Variants in CENPF observed in about 807,000 individuals in gnomAD.
The protein encoded by CENPF is centromere protein F.
Under a neutral mutation model 307.3 loss-of-function variants are expected in CENPF, and 214 were observed. The ratio of observed to expected loss-of-function variants is 0.70; its 90% CI spans 0.62 to 0.78. The LOEUF (loss-of-function observed/expected upper bound fraction) is 0.78, where lower values mean the gene tolerates loss of function less well. Among genes scored for constraint, CENPF ranks in the 30% least tolerant of loss-of-function variants. The pLI is 0.00. For synonymous variants in CENPF, 1,259 were observed against 1,270.6 expected (o/e 0.99, Z 0.19); for missense variants, 3,401 against 3,483.9 (o/e 0.98, Z 0.60).
At chr1:214,621,968 A>T in intron 6 of CENPF, 111 bp from the exon 7 acceptor site, 1 of 839,214 alleles carries the variant, frequency 1.2e-6, no homozygotes, top group Non-Finnish European at 1.8e-6. Flanking sequence ...TATTTAGTGT[A>T]AATATTTGTT....
Position 214,645,430 on chromosome 1 carries a change from T to C in CENPF, c.5860T>C (p.Ser1954Pro). Residue 1954 changes from serine (S) to proline (P), a missense_variant, in exon 13 of 20, where the codon TCA becomes CCA. Physicochemically the swap from Ser to Pro is moderately conservative, Grantham distance 74. Transcript: ENST00000366955. The stretch of plus-strand genomic sequence containing the variant: ...TATTGTCTGCCTTGAAGAAGAACTC[T>C]CAGTGGTCACAAGTGAGAGAAACCA... Reference protein sequence around the residue: ...KVIVCLEEELSVVTSERNQLR... With the variant: ...KVIVCLEEELPVVTSERNQLR... The C allele has an allele frequency of 6.2e-7, 1 of 1,614,032 alleles. No homozygotes were observed. The highest frequency in any genetic ancestry group is 2.2e-5 in the East Asian group (1 of 44,870).
Position 214,640,085 on chromosome 1 carries a change from C to T in CENPF, c.1747C>T (p.Gln583Ter). The T allele has an allele frequency of 6.3e-7, 1 of 1,596,252 alleles. No individual in the cohort carries two copies. The change falls in exon 12 of 20, where the codon CAA becomes TAA. Residue 583 changes from glutamine (Q) to a stop codon, truncating the protein, a stop_gained. Transcript: ENST00000366955. LOFTEE classifies it high-confidence loss of function. ...GAAGAAAAGAGAACATCACATTGAACAACTTAATGATAAGTTAAGCAAGAC... is the reference window on the plus strand; with the variant it reads ...GAAGAAAAGAGAACATCACATTGAATAACTTAATGATAAGTTAAGCAAGAC... ...LLKKREHHIE[Q>*]LNDKLSKTEK...
chr1:214,645,466 G>T lies in CENPF; in HGVS notation c.5896G>T (p.Glu1966Ter). Reference sequence around the variant, plus strand: ...AAGTGAGAGAAACCAGCTTCGTGGAGAATTAGATACTATGTCAAAAAAAAC... The same window carrying T: ...AAGTGAGAGAAACCAGCTTCGTGGATAATTAGATACTATGTCAAAAAAAAC... ...VTSERNQLRG[E>*]LDTMSKKTTA... The change falls in exon 13 of 20, where the codon GAA becomes TAA. Residue 1966 changes from glutamate (E) to a stop codon, truncating the protein, a stop_gained. Coordinates refer to ENST00000366955, the MANE Select transcript of CENPF (RefSeq NM_016343.4). LOFTEE classifies it high-confidence loss of function. 1 of 1,613,808 alleles carries T rather than the reference G, an allele frequency of 6.2e-7. No homozygotes were observed. Among genetic ancestry groups the T allele is most frequent in the Non-Finnish European group, 8.5e-7 (1 of 1,179,960 alleles).
intron 1 of CENPF, chr1:214,608,675 G>A: frequency 6.3e-7 from 1 of 1,597,882 alleles, no homozygotes. Context: ...GAGGCCCGCA[G>A]GGTCCCCAAG....
At chr1:214,650,033 A>G (rs1448152453) in intron 14 of CENPF, among the ~76,000 whole-genome samples, 2 of 152,220 alleles carry the variant, frequency 1.3e-5, no homozygotes, top group African/African-American at 4.8e-5. Context: ...AAGCGGATAA[A>G]TACTATAAAG....
chr1:214,616,835 C>CTTTCTT lies in CENPF; in HGVS notation c.360-1737_360-1736insTTCTTT, dbSNP rs1491243796. ...CCTTCCTTCCTTCTTTCCTTCCTTC[C>CTTTCTT]TCTTTCTTTCTTTCTTTCTTTCTTT... On this transcript the variant is annotated intron_variant, in intron 3 of 19. Coordinates refer to ENST00000366955, the MANE Select transcript of CENPF (RefSeq NM_016343.4). Among the ~76,000 whole-genome samples the CTTTCTT allele has an allele frequency of 7.3e-5, 5 of 68,510 alleles. 1 individual carries two copies. Among genetic ancestry groups the CTTTCTT allele is most frequent in the African/African-American group, 2.9e-4 (5 of 17,180 alleles). 44.9% of individuals were successfully genotyped at this position (68,510 alleles called of 152,430 possible). A position where few individuals can be genotyped will look rare whatever the true frequency, so the allele number is the denominator to read the frequency against.
intron 16 of CENPF, chr1:214,653,808 C>T (rs1658555175): frequency 6.6e-6 from 1 of 151,958 alleles, no homozygotes; most frequent in Non-Finnish European, 1.5e-5. Flanking sequence ...AATTCAAAAT[C>T]ACAATAATTA....
chr1:214,655,105 G>T (rs1216092713), intron 16 of CENPF, 136 bp from the exon 17 acceptor site: 1 of 541,386 alleles, frequency 1.8e-6, no homozygotes. Flanking sequence ...ATGGTTTTGT[G>T]CATCTTTAGA....
chr1:214,646,285 CTG>C lies in CENPF; in HGVS notation c.6717_6718del (p.Leu2240ArgfsTer15), dbSNP rs1269641219. 6.2e-7 allele frequency: 1 copy of C among 1,613,966 alleles called. No homozygotes were observed. The highest frequency in any genetic ancestry group is 1.7e-5 in the Admixed American group (1 of 60,002). ...LDKLLSSFKSLLEEKEQAEIQ... is the reference protein window; with the variant it reads ...LDKLLSSFKSXLEEKEQAEIQ... Reference sequence around the variant, plus strand: ...CAAGTTACTCTCTTCATTTAAAAGTCTGTTAGAAGAAAAGGAGCAAGCAGAGA... The same window carrying C: ...CAAGTTACTCTCTTCATTTAAAAGTCTTAGAAGAAAAGGAGCAAGCAGAGA... On this transcript the variant is annotated frameshift_variant, in exon 13 of 20. Transcript: ENST00000366955. LOFTEE classifies it high-confidence loss of function.
At chr1:214,656,156 CA>C (rs1658626574) in intron 17 of CENPF, among the ~76,000 whole-genome samples, 1 of 152,054 alleles carries the variant, frequency 6.6e-6, no homozygotes, top group Admixed American at 6.6e-5. Context: ...GTTGTGCAGG[CA>C]AAATAGAAAA....
rs17023293 is a variant in CENPF at position 214,637,607 on chromosome 1, G to A, written c.1447-259G>A. Among the ~76,000 whole-genome samples, 7,476 of 152,130 alleles carry A rather than the reference G, an allele frequency of 0.049. 243 individuals carry two copies. Among genetic ancestry groups the A allele is most frequent in the East Asian group, 0.12 (615 of 5,174 alleles). On this transcript the variant is annotated intron_variant, in intron 10 of 19. Coordinates refer to ENST00000366955, the MANE Select transcript of CENPF (RefSeq NM_016343.4). ...CTTTTGAGCTTACTCTTTAATAGGC[G>A]TATGAACAATGAGAAAGTTCAATGA... is the stretch of plus-strand genomic sequence containing the variant.
intron 1 of CENPF, among the ~76,000 whole-genome samples, chr1:214,612,041 G>A (rs1331309544): frequency 1.3e-5 from 2 of 152,102 alleles, no homozygotes; most frequent in Admixed American, 1.3e-4. Context: ...GTGGAAGAGG[G>A]CCTCCTTGCC....
At chr1:214,656,870 G>C (rs563747222) in intron 17 of CENPF, 63 bp from the exon 18 acceptor site, 1 of 1,063,480 alleles carries the variant, frequency 9.4e-7, no homozygotes, top group Non-Finnish European at 1.4e-6. Flanking sequence ...TCTGCTTCAC[G>C]ATGCCCATTG....
chr1:214,625,668 C>T lies in CENPF; in HGVS notation c.1069-3378C>T, dbSNP rs535535211. Among the ~76,000 whole-genome samples the T allele has an allele frequency of 3.2e-4, 49 of 151,418 alleles. No individual in the cohort carries two copies. In the South Asian group the frequency reaches 5.4e-3, roughly 17 times the overall value. The stretch of plus-strand genomic sequence containing the variant: ...GTTTTCTTTTTTTTTCCTGCCTTTG[C>T]GGGTTGTTTGAACATTTTTTAAAAA... On this transcript the variant is annotated intron_variant, in intron 7 of 19. Coordinates refer to ENST00000366955, the MANE Select transcript of CENPF (RefSeq NM_016343.4).
chr1:214,644,685 C>G lies in CENPF; in HGVS notation c.5115C>G (p.Asp1705Glu), dbSNP rs1400954756. The G allele has an allele frequency of 6.2e-7, 1 of 1,613,726 alleles. No individual in the cohort carries two copies. The highest frequency in any genetic ancestry group is 8.5e-7 in the Non-Finnish European group (1 of 1,179,722). Residue 1705 changes from aspartate (D) to glutamate (E), a missense_variant, in exon 13 of 20, where the codon GAC (aspartate) becomes GAG (glutamate). Transcript: ENST00000366955. ...DKDAQQDLNLDIEKITETGAV... is the reference protein window; with the variant it reads ...DKDAQQDLNLEIEKITETGAV... ...ATGCTCAGCAGGACCTCAATCTAGA[C>G]ATTGAGAAAATAACTGAGACTGGTG...
chr1:214,645,971 A>G lies in CENPF; in HGVS notation c.6401A>G (p.Lys2134Arg). The change falls in exon 13 of 20, where the codon AAG (lysine) becomes AGG (arginine). Residue 2134 changes from lysine to arginine, a missense_variant. Lys to Arg is a conservative substitution (Grantham distance 26, BLOSUM62 2). Transcript: ENST00000366955. ...LRVRIEADEK[K>R]QLHIAEKLKE... ...GTTCGCATTGAGGCCGATGAAAAGA[A>G]GCAGCTGCACATCGCAGAGAAACTG... 6.2e-7 allele frequency: 1 copy of G among 1,614,162 alleles called. No homozygotes were observed. Among genetic ancestry groups the G allele is most frequent in the Non-Finnish European group, 8.5e-7 (1 of 1,180,036 alleles).
chr1:214,647,451 A>G (rs1199682576), intron 13 of CENPF, 51 bp downstream of exon 13: 2 of 1,514,814 alleles, frequency 1.3e-6, no homozygotes, highest in African/African-American at 1.4e-5. Context: ...GAGGCAGGAA[A>G]CCATATTTTC....
intron 1 of CENPF, chr1:214,608,720 G>T: frequency 1.3e-6 from 2 of 1,596,094 alleles, no homozygotes; most frequent in African/African-American, 1.3e-5. Flanking sequence ...CCCGGCTCGG[G>T]CTCAGTCACC....
chr1:214,614,349 C>G (rs1390333177), intron 2 of CENPF, among the ~76,000 whole-genome samples: 1 of 152,068 alleles, frequency 6.6e-6, no homozygotes, highest in African/African-American at 2.4e-5. Context: ...TTAGACTGGG[C>G]TTTTTACCTT....
Sources: allele counts gnomAD v4.1 joint callset (sites outside exome capture counted in the v4.1 genomes callset), GRCh38; gene constraint gnomAD v4.1.1; transcripts MANE v1.5; gene names NCBI Gene and HGNC (gene_info 2026-07-23, HGNC 2026-07-21).